DPP10: variants seen among roughly 807,000 people sequenced by gnomAD.
The protein encoded by DPP10 is inactive dipeptidyl peptidase 10.
Under a neutral mutation model 120.9 loss-of-function variants are expected in DPP10, and 33 were observed. The observed-to-expected ratio is 0.27, with a 90% CI of 0.21 to 0.37. The LOEUF (loss-of-function observed/expected upper bound fraction) is 0.37. Among genes scored for constraint, DPP10 ranks in the 10% least tolerant of loss-of-function variants. The pLI, the probability that DPP10 is intolerant of heterozygous loss-of-function variation, is 1.00. For synonymous variants in DPP10, 337 were observed against 326.1 expected (o/e 1.03, Z -0.36); for missense variants, 816 against 942.8 (o/e 0.87, Z 1.76).
At chr2:115,481,954 A>T (rs558706863) in intron 3 of DPP10, among the ~76,000 whole-genome samples, 71 of 152,232 alleles carry the variant, frequency 4.7e-4, no homozygotes, top group Non-Finnish European at 8.5e-4. Context: ...TAGCAACTAT[A>T]ACACAAGAAC....
intron 3 of DPP10, among the ~76,000 whole-genome samples, chr2:115,422,176 C>T (rs1218652332): frequency 6.6e-6 from 1 of 152,144 alleles, no homozygotes; most frequent in Non-Finnish European, 1.5e-5. Flanking sequence ...GAAGTGAAAT[C>T]AGTCCTCCCA....
intron 3 of DPP10, among the ~76,000 whole-genome samples, chr2:115,415,974 A>T (rs533543265): frequency 4.0e-5 from 6 of 150,814 alleles, no homozygotes; most frequent in African/African-American, 1.5e-4. Context: ...TTGGAATTGC[A>T]CTATTTCTTT....
Position 115,343,843 on chromosome 2 carries a change from A to G in DPP10, c.202A>G (p.Arg68Gly). ...TGAACTCACAAATTCGTCAGAAACC[A>G]GATTGTCTTTGGAAGACCTCTTTAG... ...PDELTNSSET[R>G]LSLEDLFRKD... Residue 68 changes from arginine (R) to glycine (G), a missense_variant, in exon 3 of 26, where the codon AGA becomes GGA. Arg to Gly is a moderately radical substitution (Grantham distance 125). Coordinates refer to ENST00000410059, the MANE Select transcript of DPP10 (RefSeq NM_020868.6). 6.2e-7 allele frequency: 1 copy of G among 1,612,256 alleles called. No individual in the cohort carries two copies. Among genetic ancestry groups the G allele is most frequent in the Non-Finnish European group, 8.5e-7 (1 of 1,179,166 alleles).
At chr2:115,434,668 C>T (rs1174876205) in intron 3 of DPP10, among the ~76,000 whole-genome samples, 1 of 151,750 alleles carries the variant, frequency 6.6e-6, no homozygotes, top group African/African-American at 2.4e-5. Context: ...AAGCTTGTAT[C>T]TTTTCTTGGT....
intron 1 of DPP10, among the ~76,000 whole-genome samples, chr2:114,542,763 C>T (rs116241448): frequency 0.019 from 2,832 of 152,296 alleles, 45 homozygotes; most frequent in Middle Eastern, 0.054. Context: ...TTCTCAAACA[C>T]GAATAGTTAC....
At chr2:115,539,154 T>C (rs1213358877) in intron 5 of DPP10, among the ~76,000 whole-genome samples, 1 of 151,950 alleles carries the variant, frequency 6.6e-6, no homozygotes, top group East Asian at 1.9e-4. Flanking sequence ...AATTAGAGGC[T>C]GTATAGGAGA....
intron 10 of DPP10, among the ~76,000 whole-genome samples, chr2:115,751,975 T>A (rs2149744409): frequency 6.6e-6 from 1 of 152,176 alleles, no homozygotes; most frequent in East Asian, 1.9e-4. Flanking sequence ...ATTTTTTGTA[T>A]TTTTAATAGA....
intron 3 of DPP10, among the ~76,000 whole-genome samples, chr2:115,420,542 T>A (rs981195391): frequency 1.3e-5 from 2 of 152,210 alleles, no homozygotes; most frequent in Non-Finnish European, 2.9e-5. Context: ...TCATTTGGCA[T>A]AAGACATCAT....
chr2:114,852,968 C>T (rs1287871864), intron 1 of DPP10, among the ~76,000 whole-genome samples: 1 of 152,134 alleles, frequency 6.6e-6, no homozygotes, highest in East Asian at 1.9e-4. Context: ...TTCCGAACAC[C>T]TGTGCAGGCT....
Position 115,746,179 on chromosome 2 carries a change from T to C in DPP10, c.946T>C (p.Ser316Pro). The part of the protein sequence containing the change: ...LELMPPDSFK[S>P]REYYITMVKW... ...GCTCATGCCACCTGACAGCTTTAAA[T>C]CAAGGTATGCAATTTCAATTTCACT... is the stretch of plus-strand genomic sequence containing the variant. Residue 316 changes from serine to proline, a missense_variant, in exon 10 of 26, where the codon TCA (serine) becomes CCA (proline). Ser to Pro is a moderately conservative substitution (Grantham distance 74, BLOSUM62 -1). Around this residue, in one of 3 missense-constraint regions of DPP10, gnomAD observed 592 missense variants for 649.0 expected, o/e 0.91. Coordinates refer to ENST00000410059, the MANE Select transcript of DPP10 (RefSeq NM_020868.6). The C allele has an allele frequency of 6.2e-7, 1 of 1,610,354 alleles. No individual in the cohort carries two copies. The highest frequency in any genetic ancestry group is 8.5e-7 in the Non-Finnish European group (1 of 1,177,634).
chr2:114,639,257 C>T (rs1029353650), intron 1 of DPP10, among the ~76,000 whole-genome samples: 8 of 151,814 alleles, frequency 5.3e-5, no homozygotes, highest in Non-Finnish European at 2.9e-5. Flanking sequence ...CAGAGAAACG[C>T]TCCTTTATAA....
chr2:114,497,382 T>C (rs982050085), intron 1 of DPP10, among the ~76,000 whole-genome samples: 7 of 137,606 alleles, frequency 5.1e-5, no homozygotes, highest in African/African-American at 2.0e-4. Flanking sequence ...TACATATACA[T>C]ATACATACAC....
intron 1 of DPP10, among the ~76,000 whole-genome samples, chr2:114,936,153 C>A (rs1696449413): frequency 6.6e-6 from 1 of 152,036 alleles, no homozygotes; most frequent in Non-Finnish European, 1.5e-5. Flanking sequence ...CCCACCCTTT[C>A]CCCAAGTCCC....
intron 5 of DPP10, among the ~76,000 whole-genome samples, chr2:115,566,374 A>G (rs865777288): frequency 6.6e-6 from 1 of 151,806 alleles, no homozygotes; most frequent in African/African-American, 2.4e-5. Context: ...ATTTTTTTCT[A>G]TGCTAATTAA....
At chr2:115,655,381 G>T (rs2088208191) in intron 5 of DPP10, among the ~76,000 whole-genome samples, 1 of 151,624 alleles carries the variant, frequency 6.6e-6, no homozygotes, top group Admixed American at 6.6e-5. Context: ...GTGCACATGT[G>T]TCAAAATAAA....
At chr2:115,230,331 G>A (rs2057675363) in intron 1 of DPP10, among the ~76,000 whole-genome samples, 1 of 151,878 alleles carries the variant, frequency 6.6e-6, no homozygotes, top group South Asian at 2.1e-4. Flanking sequence ...GGAGTCTTTA[G>A]GTTTTTCCAA....
chr2:115,024,445 G>A (rs528651644), intron 1 of DPP10, among the ~76,000 whole-genome samples: 3 of 151,658 alleles, frequency 2.0e-5, no homozygotes, highest in Admixed American at 6.6e-5. Flanking sequence ...GCTTATAAAC[G>A]ATAACCTTTT....
intron 1 of DPP10, among the ~76,000 whole-genome samples, chr2:114,802,825 G>T (rs772794552): frequency 1.3e-5 from 2 of 151,958 alleles, no homozygotes; most frequent in African/African-American, 2.4e-5. Flanking sequence ...TTTTTTCAAG[G>T]GTAAATAATA....
chr2:115,642,639 C>T (rs1464081909), intron 5 of DPP10, among the ~76,000 whole-genome samples: 2 of 151,970 alleles, frequency 1.3e-5, no homozygotes, highest in African/African-American at 4.8e-5. Flanking sequence ...CTCTATCTCC[C>T]TCTCTCCTTT....
Sources: allele counts gnomAD v4.1 joint callset (sites outside exome capture counted in the v4.1 genomes callset), GRCh38; gene constraint gnomAD v4.1.1; regional missense constraint gnomAD v4.1.1; transcripts MANE v1.5; gene names NCBI Gene and HGNC (gene_info 2026-07-23, HGNC 2026-07-21).